Variants in PITPNM3 observed in about 807,000 individuals in gnomAD.
PITPNM3 encodes PITPNM family member 3.
PITPNM3 carries 26 observed loss-of-function variants against 102.0 expected under a neutral mutation model. The observed-to-expected ratio is 0.25, with a 90% CI of 0.19 to 0.35. The LOEUF (loss-of-function observed/expected upper bound fraction) is 0.35, where lower values mean the gene tolerates loss of function less well. Ranked by LOEUF, PITPNM3 falls within the 10% of genes least tolerant of loss-of-function variation. PITPNM3 has a pLI of 1.00. For synonymous variants in PITPNM3, 578 were observed against 558.6 expected, an observed-to-expected ratio of 1.03 and a Z score of -0.49; for missense variants, 1,083 against 1,346.1, an observed-to-expected ratio of 0.80 and a Z score of 3.06.
chr17:6,451,411 C>T lies in PITPNM3; in HGVS notation c.*3927G>A, dbSNP rs1285543300. On this transcript the variant is annotated 3_prime_UTR_variant, in exon 20 of 20. Coordinates refer to ENST00000262483, the MANE Select transcript of PITPNM3 (RefSeq NM_031220.4). ...AATCTGATATCTTACATTAGCGTTT[C>T]TAACGGATTTTGTACAAGGCAGCCA... 3 of 152,230 alleles carry T rather than the reference C, an allele frequency of 2.0e-5. No homozygotes were observed. The highest frequency in any genetic ancestry group is 7.2e-5 in the African/African-American group (3 of 41,460). The allele number at this position is 152,230 out of a possible 1,614,324, so 9.4% of individuals were successfully genotyped here.
chr17:6,476,889 G>GT, intron 9 of PITPNM3, 140 bp downstream of exon 9: 35 of 1,046,256 alleles, frequency 3.3e-5, no homozygotes, highest in Admixed American at 1.8e-4. Context: ...GTACAGGGCC[G>GT]ATGGCGAGTG....
At chr17:6,501,453 C>G (rs1002855388) in intron 4 of PITPNM3, among the ~76,000 whole-genome samples, 1 of 152,174 alleles carries the variant, frequency 6.6e-6, no homozygotes, top group Non-Finnish European at 1.5e-5. Flanking sequence ...CTAACTCTCA[C>G]CCACCAAGCC....
intron 6 of PITPNM3, chr17:6,479,641 G>A (rs1350115474): frequency 6.6e-6 from 1 of 152,362 alleles, no homozygotes. Context: ...GGAGCCCAGT[G>A]CACATCCCAC....
At chr17:6,549,551 G>A (rs533157795) in intron 1 of PITPNM3, among the ~76,000 whole-genome samples, 5 of 152,314 alleles carry the variant, frequency 3.3e-5, no homozygotes, top group Admixed American at 6.5e-5. Flanking sequence ...TGTGGGGGCT[G>A]GTGGCCACAC....
chr17:6,502,787 T>C (rs1360448995), intron 4 of PITPNM3, among the ~76,000 whole-genome samples: 2 of 152,222 alleles, frequency 1.3e-5, no homozygotes, highest in Non-Finnish European at 2.9e-5. Context: ...CAAAGACATT[T>C]GGCCCAGACA....
chr17:6,553,908 C>T (rs1253650074), intron 1 of PITPNM3, among the ~76,000 whole-genome samples: 2 of 152,170 alleles, frequency 1.3e-5, no homozygotes, highest in African/African-American at 4.8e-5. Context: ...CCAAGGGCTC[C>T]CTCTGTTCTG....
chr17:6,518,107 A>C (rs997283698), intron 3 of PITPNM3, among the ~76,000 whole-genome samples: 1 of 152,230 alleles, frequency 6.6e-6, no homozygotes, highest in Non-Finnish European at 1.5e-5. Flanking sequence ...TTAGACAAGA[A>C]AGAATTTCAA....
In PITPNM3 at chr17:6,474,623, G is replaced by T. The variant is rs373701895; in HGVS notation, c.1086-19C>A. On this transcript the variant is annotated intron_variant, in intron 9 of 19. Coordinates refer to ENST00000262483, the MANE Select transcript of PITPNM3 (RefSeq NM_031220.4). ...GTGGATGCTGCGGAGGGAGGAGGAC[G>T]CAGGGCAGGGCAGGTCAGGGAAGGA... is the stretch of plus-strand genomic sequence containing the variant. 6.5e-7 allele frequency: 1 copy of T among 1,549,702 alleles called. No individual in the cohort carries two copies. Among genetic ancestry groups the T allele is most frequent in the Non-Finnish European group, 8.7e-7 (1 of 1,147,522 alleles).
chr17:6,474,487 G>A lies in PITPNM3; in HGVS notation c.1203C>T (p.Gly401=), dbSNP rs138826278. 6.2e-7 allele frequency: 1 copy of A among 1,613,566 alleles called. No homozygotes were observed. The change falls in exon 10 of 20, where the codon GGC becomes GGT. Residue 401 remains glycine, a synonymous_variant. Transcript: ENST00000262483. ...DFDVSDFFLF[G]SPLGLVLAMR... ...TGGCCAGGACCAGGCCCAGTGGCGA[G>A]CCGAAGAGGAAGAAGTCGGACACAT...
chr17:6,527,015 C>G (rs1033803989), intron 2 of PITPNM3, among the ~76,000 whole-genome samples: 7 of 152,208 alleles, frequency 4.6e-5, no homozygotes, highest in African/African-American at 1.7e-4. Context: ...GGGCAGGGCC[C>G]TGACCAGGTT....
rs761513105 is a variant in PITPNM3 at position 6,470,449 on chromosome 17, G to A, written c.1625-41C>T. On this transcript the variant is annotated intron_variant, in intron 12 of 19. Transcript: ENST00000262483. This position sits in a 1 kb window ranked among gnomAD's most constrained non-coding sequence, Gnocchi z 4.8. The stretch of plus-strand genomic sequence containing the variant: ...GAAGGTGAGGATGCGTGGCCGGCCC[G>A]GGGCCTCACCCGAGGGGCAGCGGGG... 17 of 1,613,096 alleles carry A rather than the reference G, an allele frequency of 1.1e-5. No individual in the cohort carries two copies. Among genetic ancestry groups the A allele is most frequent in the Middle Eastern group, 1.7e-4 (1 of 6,054 alleles).
At position 6,478,001 on chromosome 17, in the gene PITPNM3, G is replaced by A. The variant is rs76619855; in HGVS notation, c.874C>T (p.Arg292Trp). 76 of 1,613,340 alleles carry A rather than the reference G, an allele frequency of 4.7e-5. No individual in the cohort carries two copies. The highest frequency in any genetic ancestry group is 4.0e-5 in the African/African-American group (3 of 75,044). The stretch of plus-strand genomic sequence containing the variant: ...TGGGTGCTGCTGATGCTCCCCTTCC[G>A]GCTGCTGCTGGCAGGGCTGTCCCCT... ...PSGDSPASSS[R>W]KGSISSTQDT... Residue 292 changes from arginine (R) to tryptophan (W), a missense_variant, in exon 8 of 20, where the codon CGG (arginine) becomes TGG (tryptophan). Arg to Trp is a moderately radical substitution (Grantham distance 101). Coordinates refer to ENST00000262483, the MANE Select transcript of PITPNM3 (RefSeq NM_031220.4). This position sits in a 1 kb window ranked among gnomAD's most constrained non-coding sequence, Gnocchi z 4.4.
intron 4 of PITPNM3, among the ~76,000 whole-genome samples, chr17:6,489,868 G>T (rs1390523093): frequency 2.6e-5 from 4 of 152,042 alleles, no homozygotes; most frequent in African/African-American, 9.7e-5. Flanking sequence ...GCTGGGCATG[G>T]TGGTGCGCAC....
intron 6 of PITPNM3, among the ~76,000 whole-genome samples, chr17:6,483,272 C>A (rs1905854186): frequency 6.6e-6 from 1 of 152,042 alleles, no homozygotes; most frequent in African/African-American, 2.4e-5. Flanking sequence ...CTGGGCCAAA[C>A]AGATCAGGCT....
intron 4 of PITPNM3, among the ~76,000 whole-genome samples, chr17:6,496,127 T>C (rs1360925216): frequency 6.6e-6 from 1 of 152,118 alleles, no homozygotes; most frequent in Non-Finnish European, 1.5e-5. Context: ...TGCTGATGCC[T>C]TCTTGGTTTC....
At chr17:6,518,035 T>G (rs754321812) in intron 3 of PITPNM3, among the ~76,000 whole-genome samples, 1 of 152,138 alleles carries the variant, frequency 6.6e-6, no homozygotes, top group Non-Finnish European at 1.5e-5. Flanking sequence ...ATACAGTATA[T>G]AGATAATGTA....
intron 3 of PITPNM3, among the ~76,000 whole-genome samples, chr17:6,509,630 C>T (rs1907752928): frequency 6.6e-6 from 1 of 151,872 alleles, no homozygotes; most frequent in Admixed American, 6.6e-5. Flanking sequence ...CCTGCTCAGG[C>T]CACTCCCAAC....
At chr17:6,506,941 G>T (rs758409343) in intron 3 of PITPNM3, among the ~76,000 whole-genome samples, 1 of 152,248 alleles carries the variant, frequency 6.6e-6, no homozygotes, top group Non-Finnish European at 1.5e-5. Flanking sequence ...ATGCTGAAAC[G>T]CACTAGTTGA....
chr17:6,476,375 G>C (rs1192092822), intron 9 of PITPNM3, among the ~76,000 whole-genome samples: 2 of 152,190 alleles, frequency 1.3e-5, no homozygotes, highest in Non-Finnish European at 2.9e-5. Flanking sequence ...CTTCCAATTT[G>C]GGTCCAAGTT....
Sources: allele counts gnomAD v4.1 joint callset (sites outside exome capture counted in the v4.1 genomes callset), GRCh38; gene constraint gnomAD v4.1.1; non-coding constraint Gnocchi (gnomAD v3.1); transcripts MANE v1.5; gene names NCBI Gene and HGNC (gene_info 2026-07-23, HGNC 2026-07-21).